Variants in CCSER1 observed in about 807,000 individuals in gnomAD.
CCSER1 encodes the protein serine-rich coiled-coil domain-containing protein 1.
In CCSER1, 41 loss-of-function variants were observed where a neutral mutation model predicts 82.0. The ratio of observed to expected loss-of-function variants is 0.50; its 90% CI spans 0.39 to 0.65. CCSER1 has a LOEUF of 0.65. Among genes scored for constraint, CCSER1 ranks in the 30% least tolerant of loss-of-function variants. The pLI is 0.00. For missense variants in CCSER1, 1,119 were observed against 1,064.2 expected (o/e 1.05, Z -0.72); for synonymous variants, 414 against 383.9 (o/e 1.08, Z -0.92).
At chr4:90,965,172 A>G (rs964532606) in intron 9 of CCSER1, among the ~76,000 whole-genome samples, 1 of 152,170 alleles carries the variant, frequency 6.6e-6, no homozygotes. Context: ...GAAACAATCA[A>G]TTGTTTAATA....
At chr4:90,933,030 A>AAGAAAG (rs1730355481) in intron 9 of CCSER1, among the ~76,000 whole-genome samples, 1 of 106,028 alleles carries the variant, frequency 9.4e-6, no homozygotes, top group South Asian at 2.5e-4. Flanking sequence ...GAAAGAAAGA[A>AAGAAAG]AGAAAGAAAG....
chr4:90,973,702 T>G lies in CCSER1; in HGVS notation c.2172+50255T>G, dbSNP rs140414758. 4.3e-4 allele frequency among the ~76,000 whole-genome samples: 65 copies of G among 151,786 alleles called. 1 individual carries two copies. Among genetic ancestry groups the G allele is most frequent in the African/African-American group, 1.4e-3 (57 of 41,424 alleles). On this transcript the variant is annotated intron_variant, in intron 9 of 10. Transcript: ENST00000509176. ...GAAATAAGTACGTCAAAGAGATATC[T>G]GCATTTCCATATTCATTGCAGCATT...
intron 3 of CCSER1, among the ~76,000 whole-genome samples, chr4:90,382,991 A>G (rs1248703039): frequency 2.0e-5 from 3 of 152,170 alleles, no homozygotes; most frequent in African/African-American, 7.2e-5. Flanking sequence ...AATATATTCA[A>G]GGCTGTTCCA....
At chr4:91,132,076 T>G (rs1163024610) in intron 10 of CCSER1, among the ~76,000 whole-genome samples, 1 of 152,028 alleles carries the variant, frequency 6.6e-6, no homozygotes, top group Non-Finnish European at 1.5e-5. Context: ...TCCAGATTCC[T>G]CTCAAATTGA....
intron 8 of CCSER1, among the ~76,000 whole-genome samples, chr4:90,886,274 C>T (rs1475704564): frequency 6.6e-6 from 1 of 152,130 alleles, no homozygotes; most frequent in East Asian, 1.9e-4. Context: ...ACCCTCCTAC[C>T]ATCTTTTCTG....
intron 10 of CCSER1, among the ~76,000 whole-genome samples, chr4:91,142,002 T>C (rs1446776189): frequency 6.6e-6 from 1 of 152,230 alleles, no homozygotes; most frequent in African/African-American, 2.4e-5. Flanking sequence ...TTCTGGATAT[T>C]AGACCTTTGT....
At chr4:91,375,534 T>TAAA (rs1553929941) in intron 10 of CCSER1, among the ~76,000 whole-genome samples, 2 of 151,830 alleles carry the variant, frequency 1.3e-5, no homozygotes, top group African/African-American at 4.8e-5. Flanking sequence ...TTTTTTTTTT[T>TAAA]TAAGACAACT....
rs567222885 is a variant in CCSER1 at position 91,171,963 on chromosome 4, T to C, written c.2217+85969T>C. Reference sequence around the variant, plus strand: ...GGTCCAACTTTAGCTATTTGGTTCATTTTTCCCCAAAGATATTCTGATCTT... The same window carrying C: ...GGTCCAACTTTAGCTATTTGGTTCACTTTTCCCCAAAGATATTCTGATCTT... On this transcript the variant is annotated intron_variant, in intron 10 of 10. Transcript: ENST00000509176. 3.9e-5 allele frequency among the ~76,000 whole-genome samples: 6 copies of C among 152,196 alleles called. No individual in the cohort carries two copies. The East Asian group carries it at 7.7e-4, about 20-fold the overall frequency.
rs536067249 is a variant in CCSER1, at chr4:91,314,539, A to G, written c.2217+228545A>G. ...TAACCTCTTCATCAAGACAAGGAAG[A>G]CTCTCTCTGATGTATCCCAGACTAG... On this transcript the variant is annotated intron_variant, in intron 10 of 10. Coordinates refer to ENST00000509176, the MANE Select transcript of CCSER1 (RefSeq NM_001145065.2). Among the ~76,000 whole-genome samples the G allele has an allele frequency of 4.6e-5, 7 of 151,974 alleles. No individual in the cohort carries two copies. In the South Asian group the frequency reaches 1.5e-3, roughly 32 times the overall value.
At chr4:90,132,139 A>G (rs1042008945) in intron 1 of CCSER1, among the ~76,000 whole-genome samples, 6 of 152,260 alleles carry the variant, frequency 3.9e-5, no homozygotes, top group Non-Finnish European at 7.3e-5. Flanking sequence ...AGCCTATTTA[A>G]TCACCAATTT....
chr4:90,595,630 C>A (rs1783234963), intron 5 of CCSER1, among the ~76,000 whole-genome samples: 1 of 151,724 alleles, frequency 6.6e-6, no homozygotes, highest in African/African-American at 2.4e-5. Context: ...ATTATTAGAT[C>A]CTTGGGTGGT....
intron 9 of CCSER1, among the ~76,000 whole-genome samples, chr4:91,067,368 A>G (rs994734931): frequency 6.7e-6 from 1 of 149,346 alleles, no homozygotes; most frequent in African/African-American, 2.5e-5. Flanking sequence ...TTGCTGAGAC[A>G]GGCTCTCACT....
chr4:90,414,287 A>G (rs905323953), intron 4 of CCSER1, among the ~76,000 whole-genome samples: 2 of 151,660 alleles, frequency 1.3e-5, no homozygotes, highest in African/African-American at 4.8e-5. Context: ...TTTCAATTTA[A>G]AAGGTTTTAG....
intron 1 of CCSER1, among the ~76,000 whole-genome samples, chr4:90,229,724 C>A (rs1037512940): frequency 3.3e-5 from 5 of 152,084 alleles, no homozygotes; most frequent in African/African-American, 1.2e-4. Context: ...TTCAGGAAAC[C>A]CATCTCACAT....
chr4:90,535,482 A>G (rs971160173), intron 5 of CCSER1, among the ~76,000 whole-genome samples: 4 of 152,128 alleles, frequency 2.6e-5, no homozygotes, highest in Non-Finnish European at 4.4e-5. Context: ...TAGTAGTAAA[A>G]CTCATTTGAT....
intron 1 of CCSER1, among the ~76,000 whole-genome samples, chr4:90,158,966 G>T (rs1046506587): frequency 3.3e-5 from 5 of 152,102 alleles, no homozygotes; most frequent in Non-Finnish European, 5.9e-5. Flanking sequence ...CCCGTCTTCT[G>T]CTTCACTCAC....
chr4:90,968,512 A>G (rs959997908), intron 9 of CCSER1, among the ~76,000 whole-genome samples: 9 of 152,070 alleles, frequency 5.9e-5, no homozygotes, highest in Non-Finnish European at 1.3e-4. Context: ...AAACTGCCCT[A>G]GGGAGAAAAT....
At chr4:90,229,165 T>C (rs1426641104) in intron 1 of CCSER1, among the ~76,000 whole-genome samples, 1 of 152,082 alleles carries the variant, frequency 6.6e-6, no homozygotes, top group Non-Finnish European at 1.5e-5. Context: ...AGACACATAA[T>C]TGTCAGATTC....
intron 3 of CCSER1, among the ~76,000 whole-genome samples, chr4:90,395,129 T>A (rs994788514): frequency 3.9e-5 from 6 of 152,180 alleles, no homozygotes; most frequent in African/African-American, 1.4e-4. Flanking sequence ...TCTCTGAGTT[T>A]GTTTGGCTGT....
Sources: allele counts gnomAD v4.1 joint callset (sites outside exome capture counted in the v4.1 genomes callset), GRCh38; gene constraint gnomAD v4.1.1; transcripts MANE v1.5; gene names NCBI Gene and HGNC (gene_info 2026-07-23, HGNC 2026-07-21).